Variants in SLC1A4 observed in about 807,000 individuals in gnomAD.
SLC1A4 encodes solute carrier family 1 member 4, also known as neutral amino acid transporter A.
SLC1A4 carries 19 observed loss-of-function variants against 37.7 expected under a neutral mutation model. The ratio of observed to expected loss-of-function variants is 0.50; its 90% CI spans 0.35 to 0.74. The LOEUF is 0.74. SLC1A4 is among the 30% of genes least tolerant of loss of function. The pLI, the probability that SLC1A4 is intolerant of heterozygous loss-of-function variation, is 0.01. For synonymous variants in SLC1A4, 299 were observed against 309.8 expected (o/e 0.97, Z 0.37); for missense variants, 570 against 712.9 (o/e 0.80, Z 2.28).
At chr2:65,014,684 C>T (rs1001379331) in intron 4 of SLC1A4, among the ~76,000 whole-genome samples, 1 of 152,202 alleles carries the variant, frequency 6.6e-6, no homozygotes, top group Non-Finnish European at 1.5e-5. Context: ...CTTTGGAGAA[C>T]AAAGTGGCAG....
At chr2:65,007,287 T>A (rs968681234) in intron 3 of SLC1A4, among the ~76,000 whole-genome samples, 1 of 143,850 alleles carries the variant, frequency 7.0e-6, no homozygotes, top group Non-Finnish European at 1.6e-5. Flanking sequence ...TGTGTGTGTG[T>A]GTCTGTGGTG....
In SLC1A4 at chr2:64,989,785, A is replaced by C; in HGVS notation, c.142A>C (p.Thr48Pro). Reference protein sequence around the residue: ...FLRRQALVLLTVSGVLAGAGL... With the variant: ...FLRRQALVLLPVSGVLAGAGL... ...GCGGCGCCAAGCGCTGGTGCTGCTCACCGTGTCCGGGGTGCTGGCGGGCGC... is the reference window on the plus strand; with the variant it reads ...GCGGCGCCAAGCGCTGGTGCTGCTCCCCGTGTCCGGGGTGCTGGCGGGCGC... Residue 48 changes from threonine (T) to proline (P), a missense_variant, in exon 1 of 8, where the codon ACC becomes CCC. Thr to Pro is a conservative substitution (Grantham distance 38). Coordinates refer to ENST00000234256, the MANE Select transcript of SLC1A4 (RefSeq NM_003038.5). The C allele has an allele frequency of 6.6e-7, 1 of 1,503,992 alleles. No homozygotes were observed. 93.2% of individuals were successfully genotyped at this position (1,503,992 alleles called of 1,614,324 possible).
Position 65,021,034 on chromosome 2 carries a change from C to A in SLC1A4, c.1487C>A (p.Ala496Asp). The A allele has an allele frequency of 1.9e-6, 3 of 1,614,238 alleles. No individual in the cohort carries two copies. Among genetic ancestry groups the A allele is most frequent in the Non-Finnish European group, 2.5e-6 (3 of 1,180,024 alleles). The change falls in exon 8 of 8, where the codon GCC (alanine) becomes GAC (aspartate). Residue 496 changes from alanine (A) to aspartate (D), a missense_variant. Coordinates refer to ENST00000234256, the MANE Select transcript of SLC1A4 (RefSeq NM_003038.5). Reference protein sequence around the residue: ...EQELAEVKVEAIPNCKSEEET... With the variant: ...EQELAEVKVEDIPNCKSEEET... ...GAACTTGCTGAGGTGAAAGTGGAAG[C>A]CATCCCCAACTGCAAGTCTGAGGAG...
Position 65,018,234 on chromosome 2 carries a change from G to C in SLC1A4, c.1198G>C (p.Glu400Gln), listed in dbSNP as rs759862746. Residue 400 changes from glutamate (E) to glutamine (Q), a missense_variant, in exon 6 of 8, where the codon GAG becomes CAG. Physicochemically the swap from Glu to Gln is conservative, Grantham distance 29. Coordinates refer to ENST00000234256, the MANE Select transcript of SLC1A4 (RefSeq NM_003038.5). The surrounding 1 kb of genome is among the most constrained non-coding windows in gnomAD (Gnocchi z 4.3). ...GTTCATTGCGCAACTCAACAACGTA[G>C]AGCTCAACGCAGGACAGATTTTCAC... is the stretch of plus-strand genomic sequence containing the variant. The part of the protein sequence containing the change: ...AVFIAQLNNV[E>Q]LNAGQIFTIL... 57 of 1,614,130 alleles carry C rather than the reference G, an allele frequency of 3.5e-5. 3 individuals are homozygous for C. The South Asian group carries it at 6.0e-4, about 17-fold the overall frequency.
intron 1 of SLC1A4, among the ~76,000 whole-genome samples, chr2:64,992,744 A>G (rs984844159): frequency 6.6e-6 from 1 of 152,098 alleles, no homozygotes; most frequent in Non-Finnish European, 1.5e-5. Flanking sequence ...TGCCTAGTCT[A>G]GTGTGGCTAT....
intron 2 of SLC1A4, 131 bp downstream of exon 2, chr2:65,001,621 A>G: frequency 1.5e-6 from 1 of 682,134 alleles, no homozygotes; most frequent in East Asian, 2.8e-5. Context: ...ATTGGCCTAA[A>G]CTTTTATCAA....
intron 3 of SLC1A4, among the ~76,000 whole-genome samples, chr2:65,007,897 C>A (rs1052788078): frequency 1.3e-5 from 2 of 152,102 alleles, no homozygotes; most frequent in Non-Finnish European, 2.9e-5. Flanking sequence ...TATAGTCACC[C>A]TACTGAACTA....
intron 4 of SLC1A4, among the ~76,000 whole-genome samples, 194 bp downstream of exon 4, chr2:65,010,957 G>A (rs1010696574): frequency 6.6e-6 from 1 of 152,196 alleles, no homozygotes; most frequent in Non-Finnish European, 1.5e-5. Context: ...CAGGACCTCA[G>A]AGAGCCAGGC....
intron 1 of SLC1A4, among the ~76,000 whole-genome samples, chr2:64,990,765 G>T (rs1054620923): frequency 2.6e-5 from 4 of 152,162 alleles, no homozygotes; most frequent in African/African-American, 9.7e-5. Context: ...TTGGGGCTTG[G>T]GACAGGTTGC....
intron 1 of SLC1A4, among the ~76,000 whole-genome samples, chr2:64,995,670 G>A (rs376915614): frequency 1.9e-4 from 29 of 152,152 alleles, no homozygotes; most frequent in African/African-American, 5.3e-4. Context: ...AAATACTAGC[G>A]ATAATAAATA....
chr2:65,001,516 T>C (rs764952415), intron 2 of SLC1A4, 26 bp downstream of exon 2: 28 of 1,603,604 alleles, frequency 1.7e-5, no homozygotes, highest in Non-Finnish European at 2.1e-5. Context: ...TTGCTAAAAA[T>C]ATGAAACTTT....
intron 1 of SLC1A4, among the ~76,000 whole-genome samples, chr2:64,996,903 G>A (rs1673276378): frequency 6.6e-6 from 1 of 152,196 alleles, no homozygotes; most frequent in South Asian, 2.1e-4. Context: ...TGAAGACAGA[G>A]CTCTGGGAAG....
chr2:64,991,590 G>GCTAA (rs111446684), intron 1 of SLC1A4, among the ~76,000 whole-genome samples: 22,028 of 147,122 alleles, frequency 0.15, 1,660 homozygotes, highest in East Asian at 0.23. Context: ...ACCACACCCA[G>GCTAA]CTTTTTGTTT....
chr2:65,020,100 G>C (rs1026076244), intron 7 of SLC1A4, among the ~76,000 whole-genome samples: 1 of 152,236 alleles, frequency 6.6e-6, no homozygotes, highest in Non-Finnish European at 1.5e-5. Flanking sequence ...TTTTCTTTGA[G>C]ATGGTATTTA....
rs1421922317 is a variant in SLC1A4 at position 65,018,250 on chromosome 2, A to G, written c.1214A>G (p.Gln405Arg). The G allele has an allele frequency of 2.5e-6, 4 of 1,613,382 alleles. No homozygotes were observed. In the Admixed American group the frequency reaches 5.0e-5, roughly 20 times the overall value. The stretch of plus-strand genomic sequence containing the variant: ...AACAACGTAGAGCTCAACGCAGGAC[A>G]GATTTTCACCATTCTGTAAGTTCCT... Reference protein sequence around the residue: ...QLNNVELNAGQIFTILVTATA... With the variant: ...QLNNVELNAGRIFTILVTATA... Residue 405 changes from glutamine to arginine, a missense_variant, in exon 6 of 8, where the codon CAG (glutamine) becomes CGG (arginine). By Grantham distance (43) the Gln-to-Arg change is conservative. Coordinates refer to ENST00000234256, the MANE Select transcript of SLC1A4 (RefSeq NM_003038.5). The surrounding 1 kb of genome is among the most constrained non-coding windows in gnomAD (Gnocchi z 4.3).
intron 1 of SLC1A4, among the ~76,000 whole-genome samples, chr2:64,998,074 A>G (rs981689148): frequency 9.2e-5 from 14 of 152,180 alleles, no homozygotes; most frequent in Non-Finnish European, 1.5e-5. Context: ...TCTACTAAAA[A>G]TACAAAAACA....
intron 3 of SLC1A4, among the ~76,000 whole-genome samples, chr2:65,005,702 A>G (rs76084889): frequency 1.4e-3 from 214 of 152,236 alleles, no homozygotes; most frequent in South Asian, 3.3e-3. Context: ...TTTAAAAAAA[A>G]CTAATTGTTG....
intron 1 of SLC1A4, 46 bp downstream of exon 1, chr2:64,990,216 C>T (rs1178049035): frequency 1.3e-6 from 2 of 1,485,982 alleles, no homozygotes; most frequent in Non-Finnish European, 1.8e-6. Context: ...GACGCCAGTT[C>T]TCGGATGCCC....
intron 3 of SLC1A4, among the ~76,000 whole-genome samples, chr2:65,005,907 G>A (rs760309010): frequency 1.9e-4 from 29 of 152,180 alleles, no homozygotes; most frequent in Admixed American, 6.5e-4. Context: ...GGAGGCCAAG[G>A]TAGGAGGATT....
Sources: allele counts gnomAD v4.1 joint callset (sites outside exome capture counted in the v4.1 genomes callset), GRCh38; gene constraint gnomAD v4.1.1; non-coding constraint Gnocchi (gnomAD v3.1); transcripts MANE v1.5; gene names NCBI Gene and HGNC (gene_info 2026-07-23, HGNC 2026-07-21).